The following XKR4 variants were observed in gnomAD, a reference collection of about 807,000 sequenced individuals.
The protein encoded by XKR4 is XK-related protein 4.
Under a neutral mutation model 53.9 loss-of-function variants are expected in XKR4, and 12 were observed. The observed-to-expected ratio is 0.22, with a 90% CI of 0.14 to 0.36. The LOEUF is 0.36. Among genes scored for constraint, XKR4 ranks in the 10% least tolerant of loss-of-function variants. The pLI is 1.00. For synonymous variants in XKR4, 354 were observed against 362.4 expected, an observed-to-expected ratio of 0.98 and a Z score of 0.26; for missense variants, 799 against 859.5, an observed-to-expected ratio of 0.93 and a Z score of 0.88.
At chr8:55,385,960 T>C (rs1424300697) in intron 2 of XKR4, among the ~76,000 whole-genome samples, 1 of 152,214 alleles carries the variant, frequency 6.6e-6, no homozygotes, top group Non-Finnish European at 1.5e-5. Flanking sequence ...TGCTTAGATA[T>C]TTCATATGTA....
intron 1 of XKR4, among the ~76,000 whole-genome samples, chr8:55,331,934 T>A (rs1803389384): frequency 6.6e-6 from 1 of 152,232 alleles, no homozygotes; most frequent in African/African-American, 2.4e-5. Context: ...AATCTATTTA[T>A]ATTCAAAATA....
At chr8:55,450,214 C>T in intron 2 of XKR4, 1 of 647,352 alleles carries the variant, frequency 1.5e-6, no homozygotes, top group Non-Finnish European at 2.8e-6. Flanking sequence ...CACACAGCAC[C>T]TGCTCTGGGG....
Position 55,524,376 on chromosome 8 carries a change from T to G in XKR4, c.*149T>G, listed in dbSNP as rs1000477402. ...ACCATTATCATTTGATCCTGTCGGC[T>G]GGGGGCGGCTGGTCTCCTTCCAAAG... On this transcript the variant is annotated 3_prime_UTR_variant, in exon 3 of 3. Coordinates refer to ENST00000327381, the MANE Select transcript of XKR4 (RefSeq NM_052898.2). 6 of 790,380 alleles carry G rather than the reference T, an allele frequency of 7.6e-6. No homozygotes were observed. The East Asian group carries it at 1.4e-4, about 18-fold the overall frequency. The allele number at this position is 790,380 out of a possible 1,614,324, so 49.0% of individuals were successfully genotyped here.
At chr8:55,304,009 C>G (rs914144692) in intron 1 of XKR4, among the ~76,000 whole-genome samples, 12 of 152,078 alleles carry the variant, frequency 7.9e-5, no homozygotes, top group Non-Finnish European at 1.6e-4. Flanking sequence ...CAGTTCTTCT[C>G]TGATCTTAGT....
chr8:55,437,435 G>A (rs1563349607), intron 2 of XKR4, among the ~76,000 whole-genome samples: 1 of 152,250 alleles, frequency 6.6e-6, no homozygotes, highest in East Asian at 1.9e-4. Flanking sequence ...TGACAGTCTA[G>A]GGATTCTGAC....
At chr8:55,321,399 G>C (rs879840456) in intron 1 of XKR4, among the ~76,000 whole-genome samples, 2 of 152,032 alleles carry the variant, frequency 1.3e-5, no homozygotes, top group Admixed American at 6.6e-5. Context: ...TCTTAACCTT[G>C]ACTTTCTGCT....
intron 1 of XKR4, among the ~76,000 whole-genome samples, chr8:55,247,855 C>CTTTTTTTTTTT (rs1166258777): frequency 1.7e-5 from 1 of 59,854 alleles, no homozygotes; most frequent in African/African-American, 4.5e-5. Flanking sequence ...TTCTTTCTTT[C>CTTTTTTTTTTT]TTTTTTTTTT....
rs545144214 is a variant in XKR4 at position 55,298,818 on chromosome 8, T to C, written c.807-58860T>C. ...TATGTCATGCAAATATAAACACATA[T>C]ATGTGTGTAAAATTTTTTCTGAGCT... is the stretch of plus-strand genomic sequence containing the variant. On this transcript the variant is annotated intron_variant, in intron 1 of 2. Coordinates refer to ENST00000327381, the MANE Select transcript of XKR4 (RefSeq NM_052898.2). Among the ~76,000 whole-genome samples, 8 of 152,150 alleles carry C rather than the reference T, an allele frequency of 5.3e-5. No individual in the cohort carries two copies. The South Asian group carries it at 6.2e-4, about 12-fold the overall frequency.
chr8:55,346,507 C>A (rs1803642937), intron 1 of XKR4, among the ~76,000 whole-genome samples: 1 of 152,036 alleles, frequency 6.6e-6, no homozygotes, highest in African/African-American at 2.4e-5. Context: ...GAATGTAGGC[C>A]AGAATTTTAA....
chr8:55,452,205 G>T lies in XKR4; in HGVS notation c.1007-71076G>T, dbSNP rs78829039. 5,574 of 687,736 alleles carry T rather than the reference G, an allele frequency of 8.1e-3. 232 individuals carry two copies. The African/African-American group carries it at 0.09, about 11-fold the overall frequency. 42.6% of individuals were successfully genotyped at this position (687,736 alleles called of 1,614,324 possible). A position where few individuals can be genotyped will look rare whatever the true frequency, so the allele number is the denominator to read the frequency against. On this transcript the variant is annotated intron_variant, in intron 2 of 2. Transcript: ENST00000327381. ...GTCAGACCCCACCTCCTCATCAAAGGCCATTTTCAGCAGCTGGAATGTGCA... is the reference window on the plus strand; with the variant it reads ...GTCAGACCCCACCTCCTCATCAAAGTCCATTTTCAGCAGCTGGAATGTGCA...
intron 2 of XKR4, among the ~76,000 whole-genome samples, chr8:55,438,679 A>G (rs1249253000): frequency 6.6e-6 from 1 of 152,020 alleles, no homozygotes; most frequent in Non-Finnish European, 1.5e-5. Context: ...GAAATTGGTG[A>G]TCTTCTATGC....
chr8:55,483,920 A>T (rs1279376239), intron 2 of XKR4, among the ~76,000 whole-genome samples: 1 of 152,202 alleles, frequency 6.6e-6, no homozygotes, highest in Admixed American at 6.5e-5. Context: ...CTTTGAAAAG[A>T]TCAATAAAAT....
intron 2 of XKR4, among the ~76,000 whole-genome samples, chr8:55,411,356 A>G (rs1185822724): frequency 6.6e-6 from 1 of 152,248 alleles, no homozygotes; most frequent in Non-Finnish European, 1.5e-5. Context: ...TGTGTAGCAC[A>G]GAGCCTGGCA....
chr8:55,257,690 G>A (rs1287224450), intron 1 of XKR4, among the ~76,000 whole-genome samples: 1 of 152,098 alleles, frequency 6.6e-6, no homozygotes, highest in Non-Finnish European at 1.5e-5. Flanking sequence ...AAACTTTCAG[G>A]AGTATGTTTA....
chr8:55,425,609 C>A (rs1563346934), intron 2 of XKR4, among the ~76,000 whole-genome samples: 1 of 152,130 alleles, frequency 6.6e-6, no homozygotes, highest in Non-Finnish European at 1.5e-5. Context: ...TCATTTCCTC[C>A]CCTGTATCTT....
intron 1 of XKR4, among the ~76,000 whole-genome samples, chr8:55,293,061 G>A (rs1262141674): frequency 6.6e-6 from 1 of 152,094 alleles, no homozygotes; most frequent in Non-Finnish European, 1.5e-5. Context: ...TTGGCCAGGT[G>A]CGGTGGCTCA....
chr8:55,289,677 G>A (rs796756162), intron 1 of XKR4, among the ~76,000 whole-genome samples: 2 of 125,072 alleles, frequency 1.6e-5, no homozygotes, highest in African/African-American at 6.5e-5. Context: ...AGAAAAGAAA[G>A]AGAAAGAAAG....
Position 55,455,995 on chromosome 8 carries a change from T to G in XKR4, c.1007-67286T>G, listed in dbSNP as rs150653441. On this transcript the variant is annotated intron_variant, in intron 2 of 2. Coordinates refer to ENST00000327381, the MANE Select transcript of XKR4 (RefSeq NM_052898.2). ...GGAAATTACTTAATCAACAACAACA[T>G]CCTCAGAAAAATTAGTCAGAATTCA... is the stretch of plus-strand genomic sequence containing the variant. 7.9e-4 allele frequency among the ~76,000 whole-genome samples: 120 copies of G among 152,282 alleles called. 1 individual carries two copies. Among genetic ancestry groups the G allele is most frequent in the African/African-American group, 2.8e-3 (118 of 41,558 alleles).
intron 1 of XKR4, among the ~76,000 whole-genome samples, chr8:55,289,595 A>T (rs866138343): frequency 1.8e-5 from 1 of 55,648 alleles, no homozygotes; most frequent in Non-Finnish European, 3.7e-5. Context: ...AAGAAAGAGA[A>T]AGAAAGAAAG....
Sources: gnomAD v4.1 joint callset for allele counts (sites outside exome capture counted in the v4.1 genomes callset) on GRCh38, gnomAD v4.1.1 for gene constraint, MANE v1.5 for transcripts, NCBI Gene and HGNC (gene_info 2026-07-23, HGNC 2026-07-21) for gene names.